The following HTATSF1 variants were observed in gnomAD, a reference collection of about 807,000 sequenced individuals.
HTATSF1 encodes HIV-1 Tat specific factor 1.
A neutral mutation model predicts 46.1 loss-of-function variants in HTATSF1; 6 were observed. The observed-to-expected ratio is 0.13, with a 90% CI of 0.07 to 0.26. The LOEUF (loss-of-function observed/expected upper bound fraction) is 0.26. Among genes scored for constraint, HTATSF1 ranks in the 10% least tolerant of loss-of-function variants. The probability of loss-of-function intolerance (pLI) is 1.00; values close to 1 mark genes in which losing one functional copy is unlikely to be tolerated. For missense variants in HTATSF1, 452 were observed against 559.9 expected, an observed-to-expected ratio of 0.81 and a Z score of 1.94; for synonymous variants, 226 against 211.5, an observed-to-expected ratio of 1.07 and a Z score of -0.60.
At chrX:136,499,298 G>A (rs957705040) in intron 1 of HTATSF1, among the ~76,000 whole-genome samples, 1 of 112,211 alleles carries the variant, frequency 8.9e-6, no homozygotes, top group African/African-American at 3.2e-5. Context: ...TAGAGAGGTA[G>A]TAATTAATAA....
chrX:136,511,560 C>T lies in HTATSF1; in HGVS notation c.1815C>T (p.Asp605=), dbSNP rs779052812. Residue 605 remains aspartate, a synonymous_variant, in exon 9 of 9, where the codon GAC becomes GAT. Coordinates refer to ENST00000218364, the MANE Select transcript of HTATSF1 (RefSeq NM_014500.5). ...NDSENSEFED[D]GSEKVLDEEG... is the part of the protein sequence containing the mutation. ...CTGAAAACTCCGAATTTGAAGATGA[C>T]GGCTCTGAAAAAGTGTTAGATGAGG... 39 of 1,208,565 alleles carry T rather than the reference C, an allele frequency of 3.2e-5. No individual in the cohort carries two copies. Among genetic ancestry groups the T allele is most frequent in the Non-Finnish European group, 3.8e-5 (34 of 894,526 alleles).
intron 2 of HTATSF1, 147 bp downstream of exon 2, chrX:136,499,925 G>A (rs2075710455): frequency 2.0e-6 from 1 of 493,828 alleles, no homozygotes; most frequent in East Asian, 3.9e-5. Context: ...AAAGAATCAA[G>A]ATAAACTGGC....
intron 4 of HTATSF1, among the ~76,000 whole-genome samples, chrX:136,502,286 C>CT (rs1603306120): frequency 8.9e-6 from 1 of 111,734 alleles, no homozygotes. Flanking sequence ...GTCATCTAGT[C>CT]TTTTAAGTAA....
intron 6 of HTATSF1, 104 bp from the exon 7 acceptor site, chrX:136,508,987 A>G (rs2075755387): frequency 1.7e-6 from 1 of 604,857 alleles, no homozygotes; most frequent in South Asian, 2.7e-5. Context: ...AACCTTAAGC[A>G]AAACCTTTTT....
At chrX:136,498,706 T>C (rs2075703722) in intron 1 of HTATSF1, among the ~76,000 whole-genome samples, 1 of 112,787 alleles carries the variant, frequency 8.9e-6, no homozygotes, top group African/African-American at 3.2e-5. Flanking sequence ...TCCCTCCAGA[T>C]TGTTAAAATT....
At chrX:136,510,418 C>T (rs2075762055) in intron 8 of HTATSF1, among the ~76,000 whole-genome samples, 199 bp downstream of exon 8, 2 of 112,548 alleles carry the variant, frequency 1.8e-5, no homozygotes, top group African/African-American at 6.5e-5. Context: ...ATTTTGCATT[C>T]AGAAGATAGA....
chrX:136,504,540 C>G, intron 6 of HTATSF1, 77 bp downstream of exon 6: 4 of 734,894 alleles, frequency 5.4e-6, no homozygotes, highest in Non-Finnish European at 8.2e-6. Flanking sequence ...CTTGCCTCGC[C>G]TCATCTTTGT....
rs1269326721 is a variant in HTATSF1, at chrX:136,511,974, C to A, written c.2229C>A (p.Ser743Arg). 8.3e-7 allele frequency: 1 copy of A among 1,209,116 alleles called. No individual in the cohort carries two copies. Among genetic ancestry groups the A allele is most frequent in the Non-Finnish European group, 1.1e-6 (1 of 894,285 alleles). The change falls in exon 9 of 9, where the codon AGC becomes AGA. Residue 743 changes from serine (S) to arginine (R), a missense_variant. Coordinates refer to ENST00000218364, the MANE Select transcript of HTATSF1 (RefSeq NM_014500.5). ...VEEGPLSTGS[S>R]FILSSDDDDD... ...AAGGGCCCCTATCCACTGGCAGCAG[C>A]TTTATTCTCAGTAGCGATGATGATG...
At chrX:136,510,709 C>T in intron 8 of HTATSF1, 99 bp from the exon 9 acceptor site, 2 of 912,461 alleles carry the variant, frequency 2.2e-6, no homozygotes, top group Non-Finnish European at 2.9e-6. Flanking sequence ...ATAAGAGATG[C>T]TTTATAAAAT....
At chrX:136,499,258 G>T (rs1369606526) in intron 1 of HTATSF1, among the ~76,000 whole-genome samples, 1 of 112,305 alleles carries the variant, frequency 8.9e-6, no homozygotes, top group African/African-American at 3.2e-5. Flanking sequence ...TTCCTTTGTT[G>T]TATGTATTTG....
At chrX:136,508,250 A>G (rs2075751415) in intron 6 of HTATSF1, among the ~76,000 whole-genome samples, 1 of 112,528 alleles carries the variant, frequency 8.9e-6, no homozygotes, top group African/African-American at 3.2e-5. Context: ...AGTCACCTTC[A>G]ATAGAAATTT....
chrX:136,501,262 T>C (rs977441889), intron 4 of HTATSF1, among the ~76,000 whole-genome samples: 1 of 112,421 alleles, frequency 8.9e-6, no homozygotes, highest in African/African-American at 3.2e-5. Flanking sequence ...TGCATTTGTC[T>C]ATGGTTGCCT....
chrX:136,507,545 A>C (rs1230739389), intron 6 of HTATSF1, among the ~76,000 whole-genome samples: 1 of 106,565 alleles, frequency 9.4e-6, no homozygotes, highest in African/African-American at 3.6e-5. Flanking sequence ...TGGGCAACAG[A>C]GTAAGACTCT....
chrX:136,511,279 T>G lies in HTATSF1; in HGVS notation c.1534T>G (p.Cys512Gly). The change falls in exon 9 of 9, where the codon TGT (cysteine) becomes GGT (glycine). Residue 512 changes from cysteine to glycine, a missense_variant. Cys to Gly is a radical substitution (Grantham distance 159). Around this residue, in one of 3 missense-constraint regions of HTATSF1, gnomAD observed 246 missense variants for 245.3 expected, o/e 1.00. Coordinates refer to ENST00000218364, the MANE Select transcript of HTATSF1 (RefSeq NM_014500.5). ...ESKKKTLKND[C>G]EENGLAKESE... ...TAAAAAGAAGACACTCAAAAATGATTGTGAAGAGAATGGCCTTGCAAAGGA... is the reference window on the plus strand; with the variant it reads ...TAAAAAGAAGACACTCAAAAATGATGGTGAAGAGAATGGCCTTGCAAAGGA... The G allele has an allele frequency of 8.3e-7, 1 of 1,208,114 alleles. No individual in the cohort carries two copies. Among genetic ancestry groups the G allele is most frequent in the Non-Finnish European group, 1.1e-6 (1 of 894,597 alleles).
intron 7 of HTATSF1, among the ~76,000 whole-genome samples, chrX:136,509,762 G>A (rs1422872705): frequency 8.9e-6 from 1 of 112,167 alleles, no homozygotes; most frequent in African/African-American, 3.2e-5. Flanking sequence ...AACTGACAGA[G>A]CCAGGATTTA....
At chrX:136,505,474 A>G (rs972509586) in intron 6 of HTATSF1, among the ~76,000 whole-genome samples, 3 of 112,278 alleles carry the variant, frequency 2.7e-5, no homozygotes, top group Non-Finnish European at 5.6e-5. Flanking sequence ...ATTGATTGAT[A>G]TCTCTTCTGA....
rs180824993 is a variant in HTATSF1 at position 136,511,936 on chromosome X, G to T, written c.2191G>T (p.Gly731Trp). Residue 731 changes from glycine (G) to tryptophan (W), a missense_variant, in exon 9 of 9, where the codon GGG (glycine) becomes TGG (tryptophan). Physicochemically the swap from Gly to Trp is radical, Grantham distance 184 (BLOSUM62 -2). Coordinates refer to ENST00000218364, the MANE Select transcript of HTATSF1 (RefSeq NM_014500.5). ...TGAGAGGGGGACTTTGGGTGGTTTTGGGAGTGTTGAAGAAGGGCCCCTATC... is the reference window on the plus strand; with the variant it reads ...TGAGAGGGGGACTTTGGGTGGTTTTTGGAGTGTTGAAGAAGGGCCCCTATC... The part of the protein sequence containing the change: ...SDERGTLGGF[G>W]SVEEGPLSTG... The T allele has an allele frequency of 1.7e-6, 2 of 1,211,652 alleles. No individual in the cohort carries two copies. The highest frequency in any genetic ancestry group is 2.2e-6 in the Non-Finnish European group (2 of 895,326).
At chrX:136,507,014 A>G (rs1009565070) in intron 6 of HTATSF1, among the ~76,000 whole-genome samples, 1 of 112,613 alleles carries the variant, frequency 8.9e-6, no homozygotes, top group Non-Finnish European at 1.9e-5. Flanking sequence ...AGAACCTTCT[A>G]TTGGACAACA....
At chrX:136,501,077 A>G (rs1407283288) in intron 4 of HTATSF1, among the ~76,000 whole-genome samples, 1 of 112,553 alleles carries the variant, frequency 8.9e-6, no homozygotes, top group Non-Finnish European at 1.9e-5. Flanking sequence ...CTCACTAGAA[A>G]GATTTTTTTA....
Sources: allele counts gnomAD v4.1 joint callset (sites outside exome capture counted in the v4.1 genomes callset), GRCh38; gene constraint gnomAD v4.1.1; regional missense constraint gnomAD v4.1.1; transcripts MANE v1.5; gene names NCBI Gene and HGNC (gene_info 2026-07-23, HGNC 2026-07-21).